The following CADPS variants were observed in gnomAD, a reference collection of about 807,000 sequenced individuals.
CADPS encodes the protein calcium dependent secretion activator, also known as calcium-dependent secretion activator 1.
Under a neutral mutation model 167.3 loss-of-function variants are expected in CADPS, and 57 were observed. The observed-to-expected ratio is 0.34, with a 90% CI of 0.28 to 0.42. The LOEUF is 0.42. CADPS is among the 20% of genes least tolerant of loss of function. The pLI, the probability that CADPS is intolerant of heterozygous loss-of-function variation, is 1.00. For synonymous variants in CADPS, 676 were observed against 635.3 expected (o/e 1.06, Z -0.96); for missense variants, 1,414 against 1,738.1 (o/e 0.81, Z 3.32).
chr3:62,611,951 C>T (rs1465297926), intron 6 of CADPS, among the ~76,000 whole-genome samples: 3 of 152,152 alleles, frequency 2.0e-5, no homozygotes, highest in South Asian at 2.1e-4. Flanking sequence ...GCCTGTCTCC[C>T]CCAACTAGAA....
rs568833350 is a variant in CADPS, at chr3:62,842,706, T to G, written c.441+31883A>C. Reference sequence around the variant, plus strand: ...AGAGAGGAAGTTTTATTGTCTTTCCTAAAGTCAAATACAAGGTGATAGAGA... The same window carrying G: ...AGAGAGGAAGTTTTATTGTCTTTCCGAAAGTCAAATACAAGGTGATAGAGA... On this transcript the variant is annotated intron_variant, in intron 1 of 29. Transcript: ENST00000383710. Among the ~76,000 whole-genome samples, 43 of 152,164 alleles carry G rather than the reference T, an allele frequency of 2.8e-4. 1 individual carries two copies. The highest frequency in any genetic ancestry group is 5.6e-4 in the Non-Finnish European group (38 of 68,024).
chr3:62,447,335 A>C (rs2149991141), intron 26 of CADPS, among the ~76,000 whole-genome samples: 1 of 152,292 alleles, frequency 6.6e-6, no homozygotes, highest in African/African-American at 2.4e-5. Context: ...AATGCATTCT[A>C]TCTTCTTGAA....
At chr3:62,557,550 G>C (rs1335823692) in intron 9 of CADPS, 37 bp from the exon 10 acceptor site, 2 of 1,515,130 alleles carry the variant, frequency 1.3e-6, no homozygotes, top group South Asian at 2.2e-5. Flanking sequence ...TTGACCCCTG[G>C]AGCCTGTCTT....
In CADPS at chr3:62,412,831, G is replaced by T. The variant is rs2049228423; in HGVS notation, c.3778-9646C>A. Among the ~76,000 whole-genome samples, 1 of 152,164 alleles carries T rather than the reference G, an allele frequency of 6.6e-6. No homozygotes were observed. Among genetic ancestry groups the T allele is most frequent in the Non-Finnish European group, 1.5e-5 (1 of 68,032 alleles). On this transcript the variant is annotated intron_variant, in intron 28 of 29. Transcript: ENST00000383710. This position sits in a 1 kb window ranked among gnomAD's most constrained non-coding sequence, Gnocchi z 4.1. Reference sequence around the variant, plus strand: ...CTTAGCTTATATGAACTATCTAGGGGTCTCTCTCTGGAAGACACATCTAGT... The same window carrying T: ...CTTAGCTTATATGAACTATCTAGGGTTCTCTCTCTGGAAGACACATCTAGT...
chr3:62,523,156 T>C (rs2071150813), intron 13 of CADPS, among the ~76,000 whole-genome samples: 1 of 152,206 alleles, frequency 6.6e-6, no homozygotes. Context: ...TTGAGCCATG[T>C]CACAAATAAT....
At chr3:62,526,730 T>G (rs1345841919) in intron 13 of CADPS, among the ~76,000 whole-genome samples, 1 of 152,206 alleles carries the variant, frequency 6.6e-6, no homozygotes, top group African/African-American at 2.4e-5. Flanking sequence ...CTGTCTCTCT[T>G]TTCAGAAAAT....
At chr3:62,769,674 T>C (rs1429238922) in intron 1 of CADPS, among the ~76,000 whole-genome samples, 5 of 152,184 alleles carry the variant, frequency 3.3e-5, no homozygotes, top group Non-Finnish European at 5.9e-5. Context: ...TTTCTCAGCA[T>C]TTTGTTCACA....
chr3:62,583,562 C>G (rs890504896), intron 8 of CADPS, among the ~76,000 whole-genome samples: 13 of 152,114 alleles, frequency 8.5e-5, no homozygotes, highest in Non-Finnish European at 1.9e-4. Flanking sequence ...CTTTTTCACA[C>G]CCCAGGCAGA....
chr3:62,400,601 C>CTTTTT lies in CADPS; in HGVS notation c.3883-1021_3883-1017dup, dbSNP rs143643930. ...CCCATCATTCTTTCTTTTTTTTTTT[C>CTTTTT]TTTTTTTTTTTTTTTCAAGATGGCA... is the stretch of plus-strand genomic sequence containing the variant. On this transcript the variant is annotated intron_variant, in intron 29 of 29. Transcript: ENST00000383710. 4.6e-5 allele frequency among the ~76,000 whole-genome samples: 6 copies of CTTTTT among 130,422 alleles called. 1 individual carries two copies. Among genetic ancestry groups the CTTTTT allele is most frequent in the African/African-American group, 2.9e-5 (1 of 34,844 alleles). The allele number at this position is 130,422 out of a possible 152,430, so 85.6% of individuals were successfully genotyped here.
At position 62,875,127 on chromosome 3, in the gene CADPS, CGCT is replaced by C; in HGVS notation, c.-101_-99del. 11 of 1,329,312 alleles carry C rather than the reference CGCT, an allele frequency of 8.3e-6. No homozygotes were observed. The South Asian group carries it at 1.6e-4, about 20-fold the overall frequency. 82.3% of individuals were successfully genotyped at this position (1,329,312 alleles called of 1,614,324 possible). Reference sequence around the variant, plus strand: ...CCGGGGATCAGCTCTCCCGGGTGGGCGCTTCTCCCCAGGTCAGGGAGCGAGAGC... The same window carrying C: ...CCGGGGATCAGCTCTCCCGGGTGGGCTCTCCCCAGGTCAGGGAGCGAGAGC... On this transcript the variant is annotated 5_prime_UTR_variant, in exon 1 of 30. Coordinates refer to ENST00000383710, the MANE Select transcript of CADPS (RefSeq NM_003716.4).
chr3:62,440,296 G>C (rs558749604), intron 27 of CADPS: 80 of 151,466 alleles, frequency 5.3e-4, no homozygotes, highest in African/African-American at 1.9e-3. Context: ...ATTGGAATTT[G>C]TGAATATCAC....
intron 2 of CADPS, among the ~76,000 whole-genome samples, chr3:62,754,304 T>C (rs2083367137): frequency 1.3e-5 from 2 of 152,110 alleles, no homozygotes; most frequent in South Asian, 4.1e-4. Flanking sequence ...CCTGAGTAGC[T>C]GGGACTAAGT....
intron 3 of CADPS, among the ~76,000 whole-genome samples, chr3:62,738,544 T>C (rs1385759676): frequency 6.6e-6 from 1 of 151,954 alleles, no homozygotes; most frequent in African/African-American, 2.4e-5. Flanking sequence ...GCCAACATGG[T>C]GAAACCCCGT....
At chr3:62,694,413 G>T (rs918163453) in intron 3 of CADPS, among the ~76,000 whole-genome samples, 3 of 151,922 alleles carry the variant, frequency 2.0e-5, no homozygotes, top group African/African-American at 4.8e-5. Context: ...AATTGTCTTT[G>T]TACTTCAGTT....
chr3:62,757,096 C>G lies in CADPS; in HGVS notation c.556-3323G>C, dbSNP rs373149993. Among the ~76,000 whole-genome samples, 9 of 152,164 alleles carry G rather than the reference C, an allele frequency of 5.9e-5. No homozygotes were observed. The East Asian group carries it at 1.2e-3, about 20-fold the overall frequency. On this transcript the variant is annotated intron_variant, in intron 2 of 29. Transcript: ENST00000383710. ...CCAGTTGAGAGGTGCTTGTACGAGA[C>G]CGGGTGAGTGTGATGGCAGTGGGGA...
chr3:62,798,603 C>T (rs984268561), intron 1 of CADPS, among the ~76,000 whole-genome samples: 2 of 152,100 alleles, frequency 1.3e-5, no homozygotes, highest in African/African-American at 4.8e-5. Context: ...CCTATTAGTT[C>T]TGTCCCTCTA....
At chr3:62,837,386 G>A (rs937898605) in intron 1 of CADPS, among the ~76,000 whole-genome samples, 1 of 152,172 alleles carries the variant, frequency 6.6e-6, no homozygotes, top group African/African-American at 2.4e-5. Flanking sequence ...GACCTCACAG[G>A]ACGGGTTAAG....
intron 17 of CADPS, among the ~76,000 whole-genome samples, chr3:62,501,669 A>G (rs1240489887): frequency 1.3e-5 from 2 of 152,212 alleles, no homozygotes; most frequent in Non-Finnish European, 2.9e-5. Context: ...ACACTCCCCA[A>G]ATCTAGGGGA....
At chr3:62,616,550 C>T (rs2062333286) in intron 6 of CADPS, among the ~76,000 whole-genome samples, 1 of 152,128 alleles carries the variant, frequency 6.6e-6, no homozygotes, top group African/African-American at 2.4e-5. Context: ...ATTTGCTGGT[C>T]ATGTCCAGGG....
Sources: gnomAD v4.1 joint callset for allele counts (sites outside exome capture counted in the v4.1 genomes callset) on GRCh38, gnomAD v4.1.1 for gene constraint, Gnocchi (gnomAD v3.1) non-coding constraint, MANE v1.5 for transcripts, NCBI Gene and HGNC (gene_info 2026-07-23, HGNC 2026-07-21) for gene names.